Variants in DLG2 observed in about 807,000 individuals in gnomAD.
The protein encoded by DLG2 is disks large homolog 2.
A neutral mutation model predicts 132.5 loss-of-function variants in DLG2; 45 were observed. That is an observed-to-expected ratio of 0.34 (90% CI 0.27 to 0.44). The LOEUF is 0.44. Ranked by LOEUF, DLG2 falls within the 20% of genes least tolerant of loss-of-function variation. The probability of loss-of-function intolerance (pLI) is 1.00; values close to 1 mark genes in which losing one functional copy is unlikely to be tolerated. For synonymous variants in DLG2, 424 were observed against 419.6 expected, an observed-to-expected ratio of 1.01 and a Z score of -0.13; for missense variants, 1,045 against 1,196.9, an observed-to-expected ratio of 0.87 and a Z score of 1.87.
chr11:85,210,687 G>A (rs983398789), intron 4 of DLG2, among the ~76,000 whole-genome samples: 2 of 152,162 alleles, frequency 1.3e-5, no homozygotes, highest in African/African-American at 2.4e-5. Flanking sequence ...TCCCCAAGAT[G>A]GTCCCAGCCA....
At chr11:84,358,246 T>C (rs532765877) in intron 7 of DLG2, among the ~76,000 whole-genome samples, 1 of 152,116 alleles carries the variant, frequency 6.6e-6, no homozygotes, top group South Asian at 2.1e-4. Flanking sequence ...TGGCATTTTA[T>C]TAAATGCAGC....
intron 3 of DLG2, among the ~76,000 whole-genome samples, chr11:85,407,866 G>A (rs927244215): frequency 2.0e-5 from 3 of 151,724 alleles, no homozygotes; most frequent in African/African-American, 7.3e-5. Context: ...TCTTTCATCA[G>A]CAGAATGGCT....
chr11:83,851,873 C>T (rs1258241052), intron 16 of DLG2, among the ~76,000 whole-genome samples: 10 of 150,608 alleles, frequency 6.6e-5, no homozygotes, highest in Admixed American at 6.0e-4. Context: ...CAGCCAAGAT[C>T]GTGCCACTGA....
chr11:83,729,651 C>G (rs898088769), intron 18 of DLG2, among the ~76,000 whole-genome samples: 1 of 152,098 alleles, frequency 6.6e-6, no homozygotes, highest in Admixed American at 6.6e-5. Flanking sequence ...GATCATAGTT[C>G]GCAGGGCTGC....
chr11:84,396,489 C>A (rs2098811518), intron 7 of DLG2, among the ~76,000 whole-genome samples: 1 of 152,202 alleles, frequency 6.6e-6, no homozygotes, highest in African/African-American at 2.4e-5. Flanking sequence ...CGTGCATGGG[C>A]ACTGAATGAG....
intron 18 of DLG2, among the ~76,000 whole-genome samples, chr11:83,644,074 G>A (rs962583481): frequency 1.3e-5 from 2 of 152,094 alleles, no homozygotes; most frequent in Non-Finnish European, 2.9e-5. Flanking sequence ...CCAATATACT[G>A]CTCAAATGAA....
intron 7 of DLG2, among the ~76,000 whole-genome samples, chr11:84,314,228 C>T (rs2098331958): frequency 6.6e-6 from 1 of 152,198 alleles, no homozygotes; most frequent in African/African-American, 2.4e-5. Context: ...AGTCCCTGAA[C>T]TATTTTAAAA....
At chr11:84,861,565 A>G in intron 6 of DLG2, among the ~76,000 whole-genome samples, 1 of 150,660 alleles carries the variant, frequency 6.6e-6, no homozygotes, top group African/African-American at 2.5e-5. Context: ...CAATGGCAAT[A>G]AAAGCCAAAA....
intron 4 of DLG2, among the ~76,000 whole-genome samples, chr11:85,192,810 G>C (rs891889743): frequency 3.3e-5 from 5 of 151,984 alleles, no homozygotes; most frequent in Non-Finnish European, 7.4e-5. Flanking sequence ...TGCTTAAACC[G>C]GCACGGTAAT....
At chr11:84,194,248 T>C (rs1329818792) in intron 8 of DLG2, among the ~76,000 whole-genome samples, 1 of 152,192 alleles carries the variant, frequency 6.6e-6, no homozygotes, top group Non-Finnish European at 1.5e-5. Context: ...TCGCTGACTT[T>C]CAAGAATGAA....
At chr11:84,905,259 G>A (rs994996782) in intron 6 of DLG2, among the ~76,000 whole-genome samples, 2 of 152,130 alleles carry the variant, frequency 1.3e-5, no homozygotes, top group Non-Finnish European at 2.9e-5. Flanking sequence ...ACATATCTGT[G>A]TACAAGTTCT....
chr11:84,710,999 TATATATATAG>T (rs1368594600), intron 6 of DLG2, among the ~76,000 whole-genome samples: 1 of 85,974 alleles, frequency 1.2e-5, no homozygotes, highest in Non-Finnish European at 2.3e-5. Flanking sequence ...AGTACATTCA[TATATATATAG>T]ATATATATAT....
intron 14 of DLG2, among the ~76,000 whole-genome samples, chr11:83,958,373 G>A (rs1277816564): frequency 6.6e-6 from 1 of 152,094 alleles, no homozygotes; most frequent in Non-Finnish European, 1.5e-5. Context: ...TCTTTATTGA[G>A]GCTTTTTTTA....
chr11:85,418,203 C>T (rs187719313), intron 3 of DLG2, among the ~76,000 whole-genome samples: 120 of 152,220 alleles, frequency 7.9e-4, no homozygotes, highest in African/African-American at 2.8e-3. Flanking sequence ...GTTATTTACC[C>T]AGTAGTCACT....
chr11:83,836,067 T>C (rs907999169), intron 16 of DLG2, among the ~76,000 whole-genome samples: 11 of 152,160 alleles, frequency 7.2e-5, no homozygotes, highest in Admixed American at 1.3e-4. Flanking sequence ...TATTAAATAG[T>C]TGTAGGCTGA....
chr11:84,519,154 C>G (rs886853765), intron 7 of DLG2, among the ~76,000 whole-genome samples: 1 of 152,146 alleles, frequency 6.6e-6, no homozygotes. Flanking sequence ...AATACCTTAA[C>G]GGTACAGAGA....
intron 6 of DLG2, among the ~76,000 whole-genome samples, chr11:85,005,841 C>G (rs1401253440): frequency 6.6e-6 from 1 of 152,078 alleles, no homozygotes; most frequent in Non-Finnish European, 1.5e-5. Flanking sequence ...TTTGCCCATT[C>G]AGTATGATAT....
chr11:84,487,130 T>C (rs971217405), intron 7 of DLG2, among the ~76,000 whole-genome samples: 16 of 152,130 alleles, frequency 1.1e-4, no homozygotes, highest in South Asian at 6.2e-4. Context: ...AGAAAAACTA[T>C]GGGAAAAGGT....
intron 19 of DLG2, among the ~76,000 whole-genome samples, chr11:83,588,699 G>A (rs971743538): frequency 1.1e-4 from 16 of 151,392 alleles, no homozygotes; most frequent in African/African-American, 2.9e-4. Context: ...TCTGAGCTAC[G>A]GGAGGACATT....
Sources: gnomAD v4.1 joint callset for allele counts (sites outside exome capture counted in the v4.1 genomes callset) on GRCh38, gnomAD v4.1.1 for gene constraint, MANE v1.5 for transcripts, NCBI Gene and HGNC (gene_info 2026-07-23, HGNC 2026-07-21) for gene names.